Variants in ESCO1 observed in about 807,000 individuals in gnomAD.
ESCO1 encodes establishment of sister chromatid cohesion N-acetyltransferase 1.
Under a neutral mutation model 83.5 loss-of-function variants are expected in ESCO1, and 33 were observed. The observed-to-expected ratio is 0.40, with a 90% CI of 0.30 to 0.53. The LOEUF (loss-of-function observed/expected upper bound fraction) is 0.53, where lower values mean the gene tolerates loss of function less well. Among genes scored for constraint, ESCO1 ranks in the 20% least tolerant of loss-of-function variants. ESCO1 has a pLI of 0.63. For synonymous variants in ESCO1, 332 were observed against 324.3 expected, an observed-to-expected ratio of 1.02 and a Z score of -0.25; for missense variants, 855 against 968.0, an observed-to-expected ratio of 0.88 and a Z score of 1.55.
Position 21,582,232 on chromosome 18 carries a change from C to CT in ESCO1, c.-694+2077dup, listed in dbSNP as rs536091954. Among the ~76,000 whole-genome samples, 921 of 143,166 alleles carry CT rather than the reference C, an allele frequency of 6.4e-3. 5 individuals carry two copies. Among genetic ancestry groups the CT allele is most frequent in the Middle Eastern group, 0.011 (3 of 276 alleles). 93.9% of individuals were successfully genotyped at this position (143,166 alleles called of 152,430 possible). A position where few individuals can be genotyped will look rare whatever the true frequency, so the allele number is the denominator to read the frequency against. On this transcript the variant is annotated intron_variant, in intron 2 of 11. Transcript: ENST00000269214. ...AAACACAGATTAAAGTATGGGAAAT[C>CT]TTTTTTTTTTTTTTGAGATGGAGTT...
In ESCO1 at chr18:21,567,973, G is replaced by A. The variant is rs2038285482; in HGVS notation, c.1645+7C>T. 3.1e-6 allele frequency: 5 copies of A among 1,590,920 alleles called. No individual in the cohort carries two copies. Among genetic ancestry groups the A allele is most frequent in the Middle Eastern group, 3.3e-4 (2 of 6,012 alleles). On this transcript the variant is annotated splice_region_variant and intron_variant, in intron 5 of 11. Coordinates refer to ENST00000269214, the MANE Select transcript of ESCO1 (RefSeq NM_052911.3). ...ATGAAATCCAAATAATATTTCCAAAGTATTACCTGGAAATTTATTCTCTCC... is the reference window on the plus strand; with the variant it reads ...ATGAAATCCAAATAATATTTCCAAAATATTACCTGGAAATTTATTCTCTCC...
At chr18:21,540,658 A>G (rs1188919167) in intron 8 of ESCO1, 2 of 1,332,316 alleles carry the variant, frequency 1.5e-6, no homozygotes, top group African/African-American at 3.0e-5. Flanking sequence ...GAGGTAATAA[A>G]CTCTTCTTCA....
intron 4 of ESCO1, among the ~76,000 whole-genome samples, chr18:21,572,744 T>A (rs915465605): frequency 2.6e-5 from 4 of 152,028 alleles, no homozygotes; most frequent in African/African-American, 9.7e-5. Context: ...GTGGATGGAT[T>A]ACCTGAGGTC....
intron 1 of ESCO1, among the ~76,000 whole-genome samples, chr18:21,585,404 G>A (rs1365117813): frequency 6.6e-6 from 1 of 152,036 alleles, no homozygotes; most frequent in Non-Finnish European, 1.5e-5. Flanking sequence ...TAGTTATCAA[G>A]TTGTACCAGT....
intron 8 of ESCO1, among the ~76,000 whole-genome samples, chr18:21,551,207 A>G (rs1439443896): frequency 1.3e-5 from 2 of 151,964 alleles, no homozygotes; most frequent in Non-Finnish European, 2.9e-5. Flanking sequence ...GCAGTGGCTC[A>G]TGCCTGTAAT....
chr18:21,567,068 C>T (rs1568103619), intron 5 of ESCO1, among the ~76,000 whole-genome samples: 2 of 152,270 alleles, frequency 1.3e-5, no homozygotes, highest in South Asian at 2.1e-4. Flanking sequence ...AGAGAAACAA[C>T]AGGAATTAAG....
intron 8 of ESCO1, among the ~76,000 whole-genome samples, chr18:21,543,199 G>C (rs567214470): frequency 7.2e-4 from 109 of 152,006 alleles, no homozygotes; most frequent in Non-Finnish European, 5.6e-4. Flanking sequence ...TTGTTGCCCA[G>C]GCTGGAGTGC....
rs1405026146 is a variant in ESCO1 at position 21,574,524 on chromosome 18, A to G, written c.320T>C (p.Leu107Ser). The G allele has an allele frequency of 6.2e-7, 1 of 1,613,602 alleles. No individual in the cohort carries two copies. Among genetic ancestry groups the G allele is most frequent in the Non-Finnish European group, 8.5e-7 (1 of 1,179,938 alleles). Residue 107 changes from leucine to serine, a missense_variant, in exon 4 of 12, where the codon TTA becomes TCA. Leu to Ser is a moderately radical substitution (Grantham distance 145). Coordinates refer to ENST00000269214, the MANE Select transcript of ESCO1 (RefSeq NM_052911.3). The stretch of plus-strand genomic sequence containing the variant: ...ATTTGCTTTAGGGTTTTCATGTACT[A>G]ATTTTTTCTGAGATAATTTCTTTTT... ...STKKKLSQKK[L>S]VHENPKANEQ...
chr18:21,598,465 C>G (rs1474185633), intron 1 of ESCO1, among the ~76,000 whole-genome samples: 1 of 152,020 alleles, frequency 6.6e-6, no homozygotes, highest in Admixed American at 6.6e-5. Flanking sequence ...TTTGGGAGGC[C>G]GAGGCAGGCG....
chr18:21,600,393 C>T (rs1366599075), intron 1 of ESCO1, among the ~76,000 whole-genome samples: 1 of 152,250 alleles, frequency 6.6e-6, no homozygotes, highest in African/African-American at 2.4e-5. Flanking sequence ...TGCGCGGACA[C>T]GCGAGCACGT....
At chr18:21,540,115 A>C in intron 8 of ESCO1, 106 bp from the exon 9 acceptor site, 2 of 1,052,998 alleles carry the variant, frequency 1.9e-6, no homozygotes, top group Non-Finnish European at 2.7e-6. Flanking sequence ...AATTTGTCTA[A>C]AAATTGCAAA....
At chr18:21,548,833 G>A (rs931507257) in intron 8 of ESCO1, among the ~76,000 whole-genome samples, 2 of 151,816 alleles carry the variant, frequency 1.3e-5, no homozygotes, top group Admixed American at 6.6e-5. Flanking sequence ...CCAGCTACTT[G>A]GGAGACTCAG....
At chr18:21,596,165 G>A (rs919754420) in intron 1 of ESCO1, among the ~76,000 whole-genome samples, 1 of 151,694 alleles carries the variant, frequency 6.6e-6, no homozygotes, top group Non-Finnish European at 1.5e-5. Context: ...AAGGTGGGCA[G>A]ATAACTTGGG....
intron 8 of ESCO1, among the ~76,000 whole-genome samples, chr18:21,547,899 C>T (rs1422517873): frequency 6.6e-6 from 1 of 151,528 alleles, no homozygotes; most frequent in Non-Finnish European, 1.5e-5. Context: ...GTCAGGAGAT[C>T]GAGACCATCC....
At chr18:21,598,466 G>C (rs990116288) in intron 1 of ESCO1, among the ~76,000 whole-genome samples, 37 of 151,988 alleles carry the variant, frequency 2.4e-4, no homozygotes, top group African/African-American at 8.5e-4. Flanking sequence ...TTGGGAGGCC[G>C]AGGCAGGCGG....
intron 2 of ESCO1, among the ~76,000 whole-genome samples, chr18:21,581,670 T>C (rs966619884): frequency 6.6e-6 from 1 of 152,078 alleles, no homozygotes; most frequent in Admixed American, 6.6e-5. Context: ...TCAGGGAATT[T>C]AGTACATATA....
intron 7 of ESCO1, among the ~76,000 whole-genome samples, chr18:21,561,289 G>T (rs2038182496): frequency 6.6e-6 from 1 of 152,136 alleles, no homozygotes; most frequent in African/African-American, 2.4e-5. Context: ...CTATGAATGA[G>T]AACTAATATA....
intron 1 of ESCO1, among the ~76,000 whole-genome samples, chr18:21,592,624 C>A (rs1349620469): frequency 1.0e-4 from 15 of 149,716 alleles, no homozygotes; most frequent in Admixed American, 9.9e-4. Flanking sequence ...ACCTCCCTCC[C>A]GGACGGGGCG....
intron 9 of ESCO1, among the ~76,000 whole-genome samples, chr18:21,538,697 T>C (rs1480572227): frequency 3.3e-5 from 5 of 152,148 alleles, no homozygotes; most frequent in Non-Finnish European, 7.4e-5. Context: ...TTTAAAGAAG[T>C]CCAATTGTTA....
Sources: gnomAD v4.1 joint callset for allele counts (sites outside exome capture counted in the v4.1 genomes callset) on GRCh38, gnomAD v4.1.1 for gene constraint, MANE v1.5 for transcripts, NCBI Gene and HGNC (gene_info 2026-07-23, HGNC 2026-07-21) for gene names.